The following RDX variants were observed in gnomAD, a reference collection of about 807,000 sequenced individuals.
RDX encodes the protein deafness, autosomal recessive 24.
A neutral mutation model predicts 83.7 loss-of-function variants in RDX; 32 were observed. The observed-to-expected ratio is 0.38, with a 90% confidence interval of 0.29 to 0.51. The LOEUF is 0.51. RDX is among the 20% of genes least tolerant of loss of function. The pLI is 0.87. For missense variants in RDX, 600 were observed against 689.9 expected (o/e 0.87, Z 1.46); for synonymous variants, 229 against 222.7 (o/e 1.03, Z -0.25).
At chr11:110,192,568 G>A (rs1266284657) in intron 15 of RDX, among the ~76,000 whole-genome samples, 1 of 152,188 alleles carries the variant, frequency 6.6e-6, no homozygotes, top group Admixed American at 6.5e-5. Context: ...TATCAATAGA[G>A]TAAGCAGACA....
intron 4 of RDX, 130 bp from the exon 5 acceptor site, chr11:110,264,364 T>C (rs1859934294): frequency 3.0e-6 from 2 of 669,766 alleles, no homozygotes; most frequent in African/African-American, 1.8e-5. Context: ...TTTTAGTGTG[T>C]AATAGTCTAA....
chr11:110,203,287 C>T (rs527723977), intron 14 of RDX, among the ~76,000 whole-genome samples: 1 of 151,854 alleles, frequency 6.6e-6, no homozygotes, highest in East Asian at 1.9e-4. Context: ...TATGTTCTCA[C>T]TGATTTGTGG....
intron 12 of RDX, among the ~76,000 whole-genome samples, chr11:110,234,557 T>C (rs1864764994): frequency 6.6e-6 from 1 of 152,206 alleles, no homozygotes; most frequent in African/African-American, 2.4e-5. Context: ...TCCCCTAGTT[T>C]ATGGGAATAC....
At chr11:110,261,580 G>A (rs890869357) in intron 5 of RDX, among the ~76,000 whole-genome samples, 3 of 152,068 alleles carry the variant, frequency 2.0e-5, no homozygotes, top group African/African-American at 7.2e-5. Context: ...ACTGGAATAA[G>A]CCAATCACTG....
intron 15 of RDX, among the ~76,000 whole-genome samples, chr11:110,192,513 G>C (rs1863122529): frequency 6.6e-6 from 1 of 152,170 alleles, no homozygotes; most frequent in African/African-American, 2.4e-5. Flanking sequence ...AAATTGACAA[G>C]TGGAACCTAA....
rs1018268404 is a variant in RDX at position 110,296,528 on chromosome 11, T to G, written c.-126A>C. On this transcript the variant is annotated 5_prime_UTR_variant, in exon 1 of 14. Transcript: ENST00000645495. ...CTGGGGCGCTGCGCGGCGGCGCGGC[T>G]GCGACAGGGAGGGAGAAGCGGTGGT... The G allele has an allele frequency of 5.9e-5, 9 of 151,340 alleles. No homozygotes were observed. The highest frequency in any genetic ancestry group is 2.2e-4 in the African/African-American group (9 of 41,306). The allele number at this position is 151,340 out of a possible 1,614,324, so 9.4% of individuals were successfully genotyped here. A position where few individuals can be genotyped will look rare whatever the true frequency, so the allele number is the denominator to read the frequency against.
At chr11:110,234,473 T>C (rs1005553384) in intron 12 of RDX, among the ~76,000 whole-genome samples, 1 of 152,186 alleles carries the variant, frequency 6.6e-6, no homozygotes, top group African/African-American at 2.4e-5. Context: ...AAATAGTACA[T>C]ACAGTAAGAT....
intron 13 of RDX, 142 bp downstream of exon 13, chr11:110,233,095 T>G (rs1014222879): frequency 3.1e-6 from 3 of 970,506 alleles, no homozygotes; most frequent in Non-Finnish European, 3.2e-6. Flanking sequence ...TGAAATAACA[T>G]GACTATAGGC....
chr11:110,284,958 C>A (rs1473571299), intron 1 of RDX, among the ~76,000 whole-genome samples: 1 of 152,294 alleles, frequency 6.6e-6, no homozygotes, highest in African/African-American at 2.4e-5. Flanking sequence ...ATTGCTTATA[C>A]ATATCTTTCA....
intron 1 of RDX, among the ~76,000 whole-genome samples, chr11:110,290,244 G>C (rs1861179960): frequency 6.6e-6 from 1 of 152,160 alleles, no homozygotes; most frequent in Admixed American, 6.5e-5. Flanking sequence ...CACTTAACAG[G>C]CCAGGTGTGG....
chr11:110,256,326 A>G (rs1035682558), intron 7 of RDX, among the ~76,000 whole-genome samples: 4 of 152,288 alleles, frequency 2.6e-5, no homozygotes, highest in Middle Eastern at 3.4e-3. Context: ...TCTTTACTCA[A>G]TAAGCATATT....
downstream of RDX, among the ~76,000 whole-genome samples, chr11:110,227,145 G>T (rs1177745911): frequency 2.0e-5 from 3 of 151,742 alleles, no homozygotes; most frequent in Admixed American, 1.3e-4. Flanking sequence ...AACACGATTC[G>T]TAAGTCTAAA....
intron 12 of RDX, among the ~76,000 whole-genome samples, chr11:110,235,439 C>T (rs1001851359): frequency 3.9e-5 from 6 of 152,116 alleles, no homozygotes; most frequent in African/African-American, 1.4e-4. Context: ...CCTCTTTATT[C>T]TCATTTTCAC....
chr11:110,287,834 C>T (rs1861050252), intron 1 of RDX, among the ~76,000 whole-genome samples: 1 of 152,204 alleles, frequency 6.6e-6, no homozygotes, highest in African/African-American at 2.4e-5. Context: ...AAATGACTTG[C>T]TCAATGTCAG....
At chr11:110,295,254 G>A (rs957513063) in intron 1 of RDX, among the ~76,000 whole-genome samples, 6 of 151,316 alleles carry the variant, frequency 4.0e-5, no homozygotes, top group Non-Finnish European at 7.4e-5. Flanking sequence ...AACATGAACG[G>A]GGTAATTGTT....
intron 5 of RDX, among the ~76,000 whole-genome samples, chr11:110,262,014 C>CT (rs898292132): frequency 8.6e-5 from 13 of 151,832 alleles, no homozygotes; most frequent in Non-Finnish European, 1.5e-4. Flanking sequence ...CATTCCTATT[C>CT]TTTAACATTT....
At chr11:110,232,447 A>T (rs1293142001) in intron 13 of RDX, among the ~76,000 whole-genome samples, 1 of 152,184 alleles carries the variant, frequency 6.6e-6, no homozygotes, top group African/African-American at 2.4e-5. Flanking sequence ...TTAAAATATT[A>T]GATAACTTAT....
intron 5 of RDX, among the ~76,000 whole-genome samples, chr11:110,259,290 T>A (rs1859701359): frequency 1.3e-5 from 2 of 152,332 alleles, no homozygotes; most frequent in South Asian, 2.1e-4. Context: ...ATCAGCAAAG[T>A]CAACATGATT....
chr11:110,214,064 TG>T (rs1863938302), intron 14 of RDX, among the ~76,000 whole-genome samples: 1 of 108,894 alleles, frequency 9.2e-6, no homozygotes, highest in Non-Finnish European at 1.9e-5. Flanking sequence ...ACCTACAAAA[TG>T]GGAGAAAATT....
Sources: allele counts gnomAD v4.1 joint callset (sites outside exome capture counted in the v4.1 genomes callset), GRCh38; gene constraint gnomAD v4.1.1; transcripts MANE v1.5; gene names NCBI Gene and HGNC (gene_info 2026-07-23, HGNC 2026-07-21).